The following SPIRE1 variants were observed in gnomAD, a reference collection of about 807,000 sequenced individuals.
SPIRE1 encodes spire type actin nucleation factor 1.
A neutral mutation model predicts 94.1 loss-of-function variants in SPIRE1; 40 were observed. The observed-to-expected ratio is 0.43, with a 90% CI of 0.33 to 0.55. The LOEUF (loss-of-function observed/expected upper bound fraction) is 0.55. Among genes scored for constraint, SPIRE1 ranks in the 20% least tolerant of loss-of-function variants. The probability of loss-of-function intolerance (pLI) is 0.06; values close to 1 mark genes in which losing one functional copy is unlikely to be tolerated. For synonymous variants in SPIRE1, 376 were observed against 371.7 expected (o/e 1.01, Z -0.13); for missense variants, 838 against 975.2 (o/e 0.86, Z 1.87).
intron 2 of SPIRE1, among the ~76,000 whole-genome samples, chr18:12,550,212 A>G (rs867445725): frequency 1.1e-4 from 17 of 152,162 alleles, no homozygotes; most frequent in Admixed American, 1.3e-4. Flanking sequence ...CTTTACAAGC[A>G]AACCTCCCGA....
chr18:12,509,882 C>T (rs112847805), intron 5 of SPIRE1, among the ~76,000 whole-genome samples: 13,466 of 151,982 alleles, frequency 0.089, 791 homozygotes, highest in Non-Finnish European at 0.12. Flanking sequence ...GTCAGGAGTA[C>T]GAGATCAGCC....
rs541564321 is a variant in SPIRE1 at position 12,460,142 on chromosome 18, G to A, written c.1638+3209C>T. 5.3e-5 allele frequency among the ~76,000 whole-genome samples: 8 copies of A among 152,186 alleles called. 1 individual carries two copies. Among genetic ancestry groups the A allele is most frequent in the South Asian group, 4.1e-4 (2 of 4,832 alleles). On this transcript the variant is annotated intron_variant, in intron 12 of 16. Transcript: ENST00000409402. ...GAAGTCCTTCCTGGAGAATCTCAGC[G>A]TTCACACAGCAAGGATTTTTCTAAT...
intron 10 of SPIRE1, among the ~76,000 whole-genome samples, chr18:12,471,522 C>T (rs1030264542): frequency 6.6e-6 from 1 of 151,882 alleles, no homozygotes. Context: ...TGGGGTTTCA[C>T]TATGTTGGCC....
intron 3 of SPIRE1, among the ~76,000 whole-genome samples, chr18:12,536,229 C>T (rs550001478): frequency 7.2e-5 from 11 of 152,246 alleles, no homozygotes; most frequent in Middle Eastern, 3.4e-3. Flanking sequence ...ATACTGATGA[C>T]GGATCCAGTT....
chr18:12,459,993 A>C (rs1042871260), intron 12 of SPIRE1: 2 of 774,036 alleles, frequency 2.6e-6, no homozygotes, highest in Non-Finnish European at 3.1e-6. Context: ...ATAATGCTGA[A>C]CACAAGTGAC....
At chr18:12,596,226 T>C (rs1055857115) in intron 2 of SPIRE1, among the ~76,000 whole-genome samples, 2 of 152,138 alleles carry the variant, frequency 1.3e-5, no homozygotes, top group Admixed American at 6.6e-5. Flanking sequence ...AAAACAAAAA[T>C]GAAGGGCAAA....
At chr18:12,614,599 T>A (rs2037231386) in intron 2 of SPIRE1, among the ~76,000 whole-genome samples, 1 of 152,048 alleles carries the variant, frequency 6.6e-6, no homozygotes. Flanking sequence ...GCAGATCACC[T>A]GAGGTCAGGA....
chr18:12,528,739 G>A (rs1290435543), intron 4 of SPIRE1, among the ~76,000 whole-genome samples: 1 of 152,198 alleles, frequency 6.6e-6, no homozygotes, highest in Admixed American at 6.5e-5. Flanking sequence ...AAACCAATGC[G>A]TGAGGCAAGG....
At chr18:12,620,376 T>C (rs2037432492) in intron 2 of SPIRE1, among the ~76,000 whole-genome samples, 1 of 152,174 alleles carries the variant, frequency 6.6e-6, no homozygotes, top group East Asian at 1.9e-4. Flanking sequence ...CCAAACAATC[T>C]TGAAAAAGAA....
chr18:12,569,898 A>G (rs2035921646), intron 2 of SPIRE1, among the ~76,000 whole-genome samples: 1 of 152,218 alleles, frequency 6.6e-6, no homozygotes, highest in South Asian at 2.1e-4. Flanking sequence ...ACTAAATAAA[A>G]CCACATATTC....
At chr18:12,587,778 T>C (rs1032577722) in intron 2 of SPIRE1, among the ~76,000 whole-genome samples, 8 of 152,234 alleles carry the variant, frequency 5.3e-5, no homozygotes, top group Non-Finnish European at 8.8e-5. Context: ...CTTCTGTTTC[T>C]TGAAATTAAG....
chr18:12,539,576 T>TACACACACACGCAC (rs1567918957), intron 3 of SPIRE1, among the ~76,000 whole-genome samples: 1 of 144,548 alleles, frequency 6.9e-6, no homozygotes, highest in Non-Finnish European at 1.5e-5. Flanking sequence ...AACATACACA[T>TACACACACACGCAC]ACACACACAC....
intron 1 of SPIRE1, among the ~76,000 whole-genome samples, chr18:12,642,851 G>GAAC (rs2038124498): frequency 5.3e-5 from 8 of 152,162 alleles, no homozygotes; most frequent in African/African-American, 1.9e-4. Context: ...GTTGACAGGT[G>GAAC]CAGCAAACCA....
rs146596442 is a variant in SPIRE1 at position 12,574,721 on chromosome 18, A to G, written c.373-27817T>C. On this transcript the variant is annotated intron_variant, in intron 2 of 16. Coordinates refer to ENST00000409402, the MANE Select transcript of SPIRE1 (RefSeq NM_001128626.2). The stretch of plus-strand genomic sequence containing the variant: ...ATGAGACAGCCTAAGGAGAGAATGC[A>G]CACAGGAGAAGAAGAACTAAACATT... Among the ~76,000 whole-genome samples the G allele has an allele frequency of 3.2e-4, 48 of 152,344 alleles. No individual in the cohort carries two copies. The East Asian group carries it at 4.6e-3, about 15-fold the overall frequency.
intron 5 of SPIRE1, among the ~76,000 whole-genome samples, chr18:12,508,398 T>C (rs1372822790): frequency 6.6e-6 from 1 of 152,196 alleles, no homozygotes; most frequent in Non-Finnish European, 1.5e-5. Flanking sequence ...ACTTATGGTG[T>C]ACCATTAGAT....
chr18:12,565,575 C>T (rs1191318971), intron 2 of SPIRE1, among the ~76,000 whole-genome samples: 2 of 151,826 alleles, frequency 1.3e-5, no homozygotes, highest in Non-Finnish European at 2.9e-5. Flanking sequence ...GATTTCACCA[C>T]GTTGGTCAAG....
intron 2 of SPIRE1, among the ~76,000 whole-genome samples, chr18:12,588,059 T>G (rs1379301584): frequency 1.3e-5 from 2 of 152,198 alleles, no homozygotes; most frequent in African/African-American, 4.8e-5. Context: ...TTACCTATTC[T>G]GGGCCATGTC....
chr18:12,646,026 C>G (rs778436701), intron 1 of SPIRE1, among the ~76,000 whole-genome samples: 5 of 152,174 alleles, frequency 3.3e-5, no homozygotes, highest in African/African-American at 1.2e-4. Flanking sequence ...GGGCTGCTTA[C>G]GAATTCGGCA....
intron 12 of SPIRE1, among the ~76,000 whole-genome samples, chr18:12,458,172 A>G (rs16973057): frequency 0.043 from 6,570 of 151,988 alleles, 151 homozygotes; most frequent in South Asian, 0.091. Context: ...TACAGTGTTC[A>G]TGATTAGTAA....
Sources: allele counts gnomAD v4.1 joint callset (sites outside exome capture counted in the v4.1 genomes callset), GRCh38; gene constraint gnomAD v4.1.1; transcripts MANE v1.5; gene names NCBI Gene and HGNC (gene_info 2026-07-23, HGNC 2026-07-21).